Variants in SLC2A5 observed in about 807,000 individuals in gnomAD.
SLC2A5 encodes solute carrier family 2 member 5, also known as solute carrier family 2, facilitated glucose transporter member 5.
In SLC2A5, 56 loss-of-function variants were observed where a neutral mutation model predicts 50.3. That is an observed-to-expected ratio of 1.11 (90% confidence interval 0.90 to 1.39). The LOEUF (loss-of-function observed/expected upper bound fraction) is 1.39. Ranked by LOEUF, SLC2A5 falls within the 40% of genes most tolerant of loss-of-function variation. The pLI, the probability that SLC2A5 is intolerant of heterozygous loss-of-function variation, is 0.00. For missense variants in SLC2A5, 566 were observed against 650.1 expected, an observed-to-expected ratio of 0.87 and a Z score of 1.41; for synonymous variants, 269 against 281.9, an observed-to-expected ratio of 0.95 and a Z score of 0.46.
chr1:9,039,722 C>T (rs1641244536), intron 7 of SLC2A5, 60 bp from the exon 8 acceptor site: 5 of 1,431,714 alleles, frequency 3.5e-6, no homozygotes, highest in Non-Finnish European at 1.8e-6. Context: ...GCGCCAGGAC[C>T]CACGCCCGGC....
chr1:9,039,990 G>T lies in SLC2A5; in HGVS notation c.698-3C>A. 6.2e-7 allele frequency: 1 copy of T among 1,604,018 alleles called. No homozygotes were observed. The highest frequency in any genetic ancestry group is 8.5e-7 in the Non-Finnish European group (1 of 1,173,276). ...CCAGCCGCGCAGCGTCTGTAGGGCT[G>T]GGGAGAAGCGGCACCGTCGGACCAG... On this transcript the variant is annotated splice_region_variant and splice_polypyrimidine_tract_variant and intron_variant, in intron 6 of 11. Coordinates refer to ENST00000377424, the MANE Select transcript of SLC2A5 (RefSeq NM_003039.3).
chr1:9,075,038 A>C (rs1231551709), intron 2 of SLC2A5, among the ~76,000 whole-genome samples: 1 of 152,092 alleles, frequency 6.6e-6, no homozygotes, highest in Non-Finnish European at 1.5e-5. Flanking sequence ...AAAACAAAAA[A>C]AAAAAGAAGT....
At chr1:9,090,568 T>C (rs1642452550), upstream of SLC2A5, among the ~76,000 whole-genome samples, 1 of 152,224 alleles carries the variant, frequency 6.6e-6, no homozygotes, top group Non-Finnish European at 1.5e-5. Context: ...TTTGTTCCTG[T>C]TTATCCTGTT....
chr1:9,072,124 C>T (rs537288676), upstream of SLC2A5: 1 of 152,818 alleles, frequency 6.5e-6, no homozygotes, highest in African/African-American at 2.4e-5. Context: ...GACCCCCCAA[C>T]CTTCGTGGCG....
At chr1:9,047,772 A>T in intron 3 of SLC2A5, 38 bp from the exon 4 acceptor site, 2 of 1,604,848 alleles carry the variant, frequency 1.2e-6, no homozygotes, top group South Asian at 2.2e-5. Flanking sequence ...TTGCTGAAGA[A>T]TTCACTCTTT....
intron 4 of SLC2A5, among the ~76,000 whole-genome samples, chr1:9,047,394 A>G (rs1382643110): frequency 2.6e-5 from 4 of 152,238 alleles, no homozygotes; most frequent in Non-Finnish European, 5.9e-5. Context: ...AAGATTCTGC[A>G]TTTCAGTCTT....
upstream of SLC2A5, among the ~76,000 whole-genome samples, chr1:9,089,352 C>T (rs529968873): frequency 2.0e-5 from 3 of 152,274 alleles, no homozygotes; most frequent in East Asian, 5.8e-4. Flanking sequence ...CTAAAACATA[C>T]CAATTTGGAC....
intron 3 of SLC2A5, 84 bp downstream of exon 3, chr1:9,057,364 G>T: frequency 1.2e-6 from 1 of 834,346 alleles, no homozygotes. Context: ...TAGTCTCATG[G>T]TAAGGATTTC....
chr1:9,067,356 G>C (rs1194603049), intron 1 of SLC2A5, among the ~76,000 whole-genome samples: 1 of 152,266 alleles, frequency 6.6e-6, no homozygotes, highest in Non-Finnish European at 1.5e-5. Context: ...TGAGGCAGCA[G>C]GCAGCTGGGT....
At chr1:9,057,716 A>G in intron 2 of SLC2A5, 108 bp from the exon 3 acceptor site, 1 of 903,248 alleles carries the variant, frequency 1.1e-6, no homozygotes, top group East Asian at 2.6e-5. Flanking sequence ...ACAGAGACCA[A>G]CCTTATTAAC....
intron 2 of SLC2A5, among the ~76,000 whole-genome samples, chr1:9,078,214 T>C (rs747574088): frequency 6.6e-6 from 1 of 152,210 alleles, no homozygotes; most frequent in Non-Finnish European, 1.5e-5. Flanking sequence ...AATTAGCATA[T>C]AATGACAGTG....
chr1:9,075,579 A>G (rs1301384650), intron 2 of SLC2A5, among the ~76,000 whole-genome samples: 1 of 152,198 alleles, frequency 6.6e-6, no homozygotes. Flanking sequence ...ATCTTAAACT[A>G]AATGGTGGAG....
chr1:9,073,553 T>C (rs541315578), upstream of SLC2A5, among the ~76,000 whole-genome samples: 2 of 152,326 alleles, frequency 1.3e-5, no homozygotes, highest in South Asian at 4.1e-4. Context: ...CCATCCCAGC[T>C]CCCCACCACC....
At position 9,081,113 on chromosome 1, in the gene SLC2A5, A is replaced by G. The variant is rs150940766; in HGVS notation, c.-59+3901T>C. On this transcript the variant is annotated intron_variant, in intron 2 of 5. Coordinates refer to the SLC2A5 transcript ENST00000464985. ...AACAAATAAACAAACAAAAAAAATT[A>G]GCTGAGGGTGGTGGCACATGCCCTT... Among the ~76,000 whole-genome samples, 836 of 152,160 alleles carry G rather than the reference A, an allele frequency of 5.5e-3. 6 individuals carry two copies. Among genetic ancestry groups the G allele is most frequent in the Non-Finnish European group, 8.6e-3 (583 of 67,986 alleles).
chr1:9,062,574 TA>T (rs1641972964), intron 1 of SLC2A5, among the ~76,000 whole-genome samples: 1 of 151,962 alleles, frequency 6.6e-6, no homozygotes, highest in Admixed American at 6.6e-5. Flanking sequence ...ATTTGAACTT[TA>T]AAAAAATTAC....
chr1:9,093,763 CT>C, the SLC2A5 span, among the ~76,000 whole-genome samples: 1 of 152,124 alleles, frequency 6.6e-6, no homozygotes, highest in African/African-American at 2.4e-5. Context: ...CTAACTGTTC[CT>C]TTTTTTCGGA....
chr1:9,074,103 C>T (rs933852118), upstream of SLC2A5, among the ~76,000 whole-genome samples: 10 of 149,756 alleles, frequency 6.7e-5, no homozygotes, highest in East Asian at 1.2e-3. Flanking sequence ...AAAAAAAATA[C>T]GTCAGTAGAA....
At chr1:9,064,847 G>A (rs1161863453) in intron 1 of SLC2A5, among the ~76,000 whole-genome samples, 1 of 152,136 alleles carries the variant, frequency 6.6e-6, no homozygotes, top group East Asian at 1.9e-4. Context: ...GAGGTCAGGA[G>A]TTCAAGACCA....
intron 4 of SLC2A5, among the ~76,000 whole-genome samples, chr1:9,043,118 AG>A (rs1020556134): frequency 6.6e-6 from 1 of 152,162 alleles, no homozygotes; most frequent in African/African-American, 2.4e-5. Context: ...GGGGATGGAG[AG>A]GAAGTTTCAC....
Sources: allele counts gnomAD v4.1 joint callset (sites outside exome capture counted in the v4.1 genomes callset), GRCh38; gene constraint gnomAD v4.1.1; transcripts MANE v1.5; gene names NCBI Gene and HGNC (gene_info 2026-07-23, HGNC 2026-07-21).